Variants in KCTD10 observed in about 807,000 individuals in gnomAD.
The protein encoded by KCTD10 is BTB/POZ domain-containing adapter for CUL3-mediated RhoA degradation protein 3.
KCTD10 carries 13 observed loss-of-function variants against 34.6 expected under a neutral mutation model. The ratio of observed to expected loss-of-function variants is 0.38; its 90% CI spans 0.24 to 0.60. The LOEUF (loss-of-function observed/expected upper bound fraction) is 0.60, where lower values mean the gene tolerates loss of function less well. Among genes scored for constraint, KCTD10 ranks in the 20% least tolerant of loss-of-function variants. The pLI is 0.66. For missense variants in KCTD10, 256 were observed against 420.3 expected, an observed-to-expected ratio of 0.61 and a Z score of 3.42; for synonymous variants, 156 against 168.8, an observed-to-expected ratio of 0.92 and a Z score of 0.59.
chr12:109,476,530 G>T (rs758014451), intron 1 of KCTD10, among the ~76,000 whole-genome samples: 2 of 152,076 alleles, frequency 1.3e-5, no homozygotes, highest in African/African-American at 2.4e-5. Flanking sequence ...AACATCCTCC[G>T]CTCCTTAGGC....
chr12:109,466,928 T>C (rs1261031861), intron 2 of KCTD10, among the ~76,000 whole-genome samples: 2 of 152,192 alleles, frequency 1.3e-5, no homozygotes, highest in Non-Finnish European at 2.9e-5. Flanking sequence ...GACCCAAGGG[T>C]GCATTTGAGG....
chr12:109,460,614 G>A lies in KCTD10; in HGVS notation c.387+22C>T, dbSNP rs1566054700. 1.9e-6 allele frequency: 3 copies of A among 1,606,956 alleles called. No individual in the cohort carries two copies. Among genetic ancestry groups the A allele is most frequent in the Non-Finnish European group, 2.6e-6 (3 of 1,175,282 alleles). On this transcript the variant is annotated intron_variant, in intron 3 of 6. Transcript: ENST00000228495. The surrounding 1 kb of genome is among the most constrained non-coding windows in gnomAD (Gnocchi z 4.5). Reference sequence around the variant, plus strand: ...AGGCTTGGTGCCTCTCCACCCATATGGGAAGAAAGGGTGATGCCTACTTGT... The same window carrying A: ...AGGCTTGGTGCCTCTCCACCCATATAGGAAGAAAGGGTGATGCCTACTTGT...
Position 109,460,890 on chromosome 12 carries a change from C to T in KCTD10, c.218-85G>A. On this transcript the variant is annotated intron_variant, in intron 2 of 6. Coordinates refer to ENST00000228495, the MANE Select transcript of KCTD10 (RefSeq NM_031954.5). This position sits in a 1 kb window ranked among gnomAD's most constrained non-coding sequence, Gnocchi z 4.5. The stretch of plus-strand genomic sequence containing the variant: ...GCAGAGCTGGGGTGTCTCTCGGCTC[C>T]CTCTACCTCCCAGCGGAGAGCGGGA... The T allele has an allele frequency of 7.5e-7, 1 of 1,328,828 alleles. No homozygotes were observed. The highest frequency in any genetic ancestry group is 1.1e-6 in the Non-Finnish European group (1 of 949,366). The allele number at this position is 1,328,828 out of a possible 1,614,324, so 82.3% of individuals were successfully genotyped here. A position where few individuals can be genotyped will look rare whatever the true frequency, so the allele number is the denominator to read the frequency against.
intron 1 of KCTD10, chr12:109,471,385 G>A: frequency 1.0e-6 from 1 of 985,450 alleles, no homozygotes; most frequent in Non-Finnish European, 1.2e-6. Context: ...GCCCTGCAGA[G>A]TGAAACAGAG....
rs756566223 is a variant in KCTD10 at position 109,451,591 on chromosome 12, C to T, written c.*4G>A. The T allele has an allele frequency of 3.7e-6, 6 of 1,603,112 alleles. No individual in the cohort carries two copies. In the East Asian group the frequency reaches 1.1e-4, roughly 30 times the overall value. ...AGAGGAGGGCGGCTCGGTCTCTTGC[C>T]TGCTCACTGGTGGAGGTGGGCCCGG... On this transcript the variant is annotated 3_prime_UTR_variant, in exon 7 of 7. Transcript: ENST00000228495. This position sits in a 1 kb window ranked among gnomAD's most constrained non-coding sequence, Gnocchi z 5.0.
chr12:109,459,197 C>T (rs1322957215), intron 3 of KCTD10: 1 of 151,768 alleles, frequency 6.6e-6, no homozygotes, highest in Non-Finnish European at 1.5e-5. Flanking sequence ...GTTAGAAAGA[C>T]GAAGCAGAAA....
At chr12:109,462,445 G>A (rs1873385644) in intron 2 of KCTD10, among the ~76,000 whole-genome samples, 1 of 152,260 alleles carries the variant, frequency 6.6e-6, no homozygotes, top group East Asian at 1.9e-4. Flanking sequence ...TTTCAGGGAA[G>A]AAAGAGGCCT....
At chr12:109,452,757 A>C (rs1482591105) in intron 6 of KCTD10, among the ~76,000 whole-genome samples, 1 of 152,204 alleles carries the variant, frequency 6.6e-6, no homozygotes, top group Non-Finnish European at 1.5e-5. Flanking sequence ...GCACCAGGAC[A>C]GAAGACCTCC....
At chr12:109,463,164 C>G (rs1432354944) in intron 2 of KCTD10, among the ~76,000 whole-genome samples, 2 of 152,178 alleles carry the variant, frequency 1.3e-5, no homozygotes, top group Non-Finnish European at 2.9e-5. Context: ...AGGGAAGGAA[C>G]CTTCCACGTT....
Position 109,460,360 on chromosome 12 carries a change from C to T in KCTD10, c.387+276G>A, listed in dbSNP as rs1275322223. On this transcript the variant is annotated intron_variant, in intron 3 of 6. Coordinates refer to ENST00000228495, the MANE Select transcript of KCTD10 (RefSeq NM_031954.5). This position sits in a 1 kb window ranked among gnomAD's most constrained non-coding sequence, Gnocchi z 4.5. The stretch of plus-strand genomic sequence containing the variant: ...CCCGAACACCGACCAAGTTTCACAC[C>T]GCGGGGTTCTCTGCTGAAGGGTTGA... 4 of 388,852 alleles carry T rather than the reference C, an allele frequency of 1.0e-5. No individual in the cohort carries two copies. Among genetic ancestry groups the T allele is most frequent in the East Asian group, 1.0e-4 (2 of 19,518 alleles). 24.1% of individuals were successfully genotyped at this position (388,852 alleles called of 1,614,324 possible).
Position 109,469,430 on chromosome 12 carries a change from T to G in KCTD10, c.217+85A>C. The stretch of plus-strand genomic sequence containing the variant: ...GCTGCCTCCTACACATCTTCAGGTC[T>G]CGACTTAAATGTCACTTCTTCAGGG... On this transcript the variant is annotated intron_variant, in intron 2 of 6. Transcript: ENST00000228495. 1.1e-5 allele frequency: 16 copies of G among 1,513,692 alleles called. No homozygotes were observed. The South Asian group carries it at 2.0e-4, about 19-fold the overall frequency. The allele number at this position is 1,513,692 out of a possible 1,614,324, so 93.8% of individuals were successfully genotyped here. A position where few individuals can be genotyped will look rare whatever the true frequency, so the allele number is the denominator to read the frequency against.
chr12:109,457,798 A>G, intron 4 of KCTD10, 116 bp from the exon 5 acceptor site: 1 of 1,199,386 alleles, frequency 8.3e-7, no homozygotes, highest in Non-Finnish European at 1.2e-6. Context: ...AGACAAGCAT[A>G]GCTTGCTGGC....
chr12:109,454,325 A>T (rs1450992149), intron 6 of KCTD10, among the ~76,000 whole-genome samples: 1 of 152,220 alleles, frequency 6.6e-6, no homozygotes, highest in Non-Finnish European at 1.5e-5. Flanking sequence ...AAGGAGACAG[A>T]AAAACCAAAT....
chr12:109,458,713 C>T (rs1327939478), intron 3 of KCTD10: 1 of 153,470 alleles, frequency 6.5e-6, no homozygotes, highest in Admixed American at 6.5e-5. Flanking sequence ...GAACATCACA[C>T]TAAGTGATGA....
rs1566049631 is a variant in KCTD10, at chr12:109,450,610, G to C, written c.*985C>G. ...CTGGATGCCAGGCTGGGAGGACAAA[G>C]GGTATGGGCCACACTGAATTTCTAA... On this transcript the variant is annotated 3_prime_UTR_variant, in exon 7 of 7. Transcript: ENST00000228495. The C allele has an allele frequency of 2.6e-6, 1 of 381,868 alleles. No individual in the cohort carries two copies. The highest frequency in any genetic ancestry group is 4.6e-6 in the Non-Finnish European group (1 of 215,880). The allele number at this position is 381,868 out of a possible 1,614,324, so 23.7% of individuals were successfully genotyped here.
intron 1 of KCTD10, among the ~76,000 whole-genome samples, chr12:109,471,835 C>T (rs922698675): frequency 3.3e-5 from 5 of 152,224 alleles, no homozygotes; most frequent in South Asian, 2.1e-4. Flanking sequence ...TTATGGGAAA[C>T]GATCTAGCAT....
In KCTD10 at chr12:109,471,374, G is replaced by A. The variant is rs968342467; in HGVS notation, c.4-1646C>T. On this transcript the variant is annotated intron_variant, in intron 1 of 6. Transcript: ENST00000228495. ...GCCTGGATATCACCTGCCATGTCAG[G>A]GCCCTGCAGAGTGAAACAGAGAAAG... is the stretch of plus-strand genomic sequence containing the variant. 3.0e-6 allele frequency: 3 copies of A among 985,298 alleles called. No homozygotes were observed. The African/African-American group carries it at 5.2e-5, about 17-fold the overall frequency. The allele number at this position is 985,298 out of a possible 1,614,324, so 61.0% of individuals were successfully genotyped here. A position where few individuals can be genotyped will look rare whatever the true frequency, so the allele number is the denominator to read the frequency against.
chr12:109,462,235 A>G (rs575864023), intron 2 of KCTD10, among the ~76,000 whole-genome samples: 134 of 152,342 alleles, frequency 8.8e-4, no homozygotes, highest in African/African-American at 3.0e-3. Context: ...GGAAAGTTTG[A>G]TAACAGGGCC....
Position 109,454,372 on chromosome 12 carries a change from C to T in KCTD10, c.723+1746G>A, listed in dbSNP as rs564857740. On this transcript the variant is annotated intron_variant, in intron 6 of 6. Transcript: ENST00000228495. ...AACTGACAAATACAATAACCAACAA[C>T]CTCAAACAAAAACACAACTTACCAG... Among the ~76,000 whole-genome samples the T allele has an allele frequency of 2.6e-5, 4 of 152,268 alleles. No homozygotes were observed. The South Asian group carries it at 8.3e-4, about 32-fold the overall frequency.
Sources: gnomAD v4.1 joint callset for allele counts (sites outside exome capture counted in the v4.1 genomes callset) on GRCh38, gnomAD v4.1.1 for gene constraint, Gnocchi (gnomAD v3.1) non-coding constraint, MANE v1.5 for transcripts, NCBI Gene and HGNC (gene_info 2026-07-23, HGNC 2026-07-21) for gene names.